Variants in VEPH1 observed in about 807,000 individuals in gnomAD.
The protein encoded by VEPH1 is ventricular zone-expressed PH domain-containing protein homolog 1.
VEPH1 carries 80 observed loss-of-function variants against 85.2 expected under a neutral mutation model. The ratio of observed to expected loss-of-function variants is 0.94; its 90% confidence interval spans 0.78 to 1.13. The LOEUF is 1.13. VEPH1 is among the 50% of genes most tolerant of loss of function. VEPH1 has a pLI of 0.00. For missense variants in VEPH1, 955 were observed against 980.5 expected (o/e 0.97, Z 0.35); for synonymous variants, 297 against 348.0 (o/e 0.85, Z 1.63).
At chr3:157,409,417 G>C (rs1410816179) in intron 6 of VEPH1, among the ~76,000 whole-genome samples, 1 of 152,082 alleles carries the variant, frequency 6.6e-6, no homozygotes, top group Non-Finnish European at 1.5e-5. Context: ...ACAATTGATC[G>C]GTTCTCCCAG....
intron 9 of VEPH1, among the ~76,000 whole-genome samples, chr3:157,341,073 A>G (rs991781344): frequency 2.6e-5 from 4 of 152,188 alleles, no homozygotes; most frequent in East Asian, 1.9e-4. Context: ...AAAGATGGGG[A>G]AAAAAACAGA....
rs971204177 is a variant in VEPH1 at position 157,437,614 on chromosome 3, G to C, written c.530-9126C>G. 2.6e-6 allele frequency: 4 copies of C among 1,566,130 alleles called. No individual in the cohort carries two copies. The African/African-American group carries it at 5.4e-5, about 21-fold the overall frequency. ...AGAGCGCATGCTGCTGCAAGCCACG[G>C]ACGACGTCCTGCGGGGCGAGCTGCA... On this transcript the variant is annotated intron_variant, in intron 4 of 13. Coordinates refer to ENST00000362010, the MANE Select transcript of VEPH1 (RefSeq NM_001167912.2).
At chr3:157,481,138 G>A (rs1737997321) in intron 2 of VEPH1, among the ~76,000 whole-genome samples, 1 of 151,708 alleles carries the variant, frequency 6.6e-6, no homozygotes, top group South Asian at 2.1e-4. Flanking sequence ...CTTTTTAATG[G>A]GACTAATTGT....
chr3:157,284,745 A>G (rs1238685078), intron 12 of VEPH1, among the ~76,000 whole-genome samples: 1 of 152,100 alleles, frequency 6.6e-6, no homozygotes, highest in Non-Finnish European at 1.5e-5. Flanking sequence ...GGAAATGAGC[A>G]AAGAAATCCA....
chr3:157,417,187 T>C (rs146834285), intron 5 of VEPH1, among the ~76,000 whole-genome samples: 14 of 152,298 alleles, frequency 9.2e-5, no homozygotes, highest in African/African-American at 2.4e-4. Context: ...GGGCTTTAGA[T>C]AGATTATTCT....
At chr3:157,346,473 G>A (rs148041280) in intron 9 of VEPH1, among the ~76,000 whole-genome samples, 1 of 152,052 alleles carries the variant, frequency 6.6e-6, no homozygotes, top group South Asian at 2.1e-4. Context: ...AAATTAGATG[G>A]CTTCTCTTAC....
intron 1 of VEPH1, among the ~76,000 whole-genome samples, chr3:157,497,155 G>A (rs1430553924): frequency 6.6e-6 from 1 of 152,162 alleles, no homozygotes; most frequent in East Asian, 1.9e-4. Flanking sequence ...CATGTAAAAT[G>A]TGAGGCTACT....
At chr3:157,449,441 A>G (rs370585398) in intron 4 of VEPH1, among the ~76,000 whole-genome samples, 1 of 152,146 alleles carries the variant, frequency 6.6e-6, no homozygotes, top group South Asian at 2.1e-4. Context: ...GTCCTTCTCT[A>G]TTGTCAATAT....
At chr3:157,464,624 C>A (rs1736194509) in intron 3 of VEPH1, among the ~76,000 whole-genome samples, 2 of 152,238 alleles carry the variant, frequency 1.3e-5, no homozygotes, top group South Asian at 4.1e-4. Flanking sequence ...GAGCTTTGTT[C>A]TACGGATGCC....
intron 5 of VEPH1, among the ~76,000 whole-genome samples, chr3:157,427,714 C>A (rs1320029640): frequency 6.6e-6 from 1 of 152,182 alleles, no homozygotes; most frequent in Non-Finnish European, 1.5e-5. Context: ...CTCAGCCTCC[C>A]AAAATGTTGA....
At chr3:157,488,842 G>T (rs1738924321) in intron 2 of VEPH1, among the ~76,000 whole-genome samples, 1 of 149,688 alleles carries the variant, frequency 6.7e-6, no homozygotes, top group African/African-American at 2.5e-5. Flanking sequence ...TTCCTTCCTT[G>T]GTCGTCTTCA....
intron 11 of VEPH1, among the ~76,000 whole-genome samples, chr3:157,313,194 G>A (rs957354673): frequency 5.3e-5 from 8 of 151,952 alleles, no homozygotes; most frequent in African/African-American, 1.5e-4. Flanking sequence ...ATGAGCCACC[G>A]TGCCCGGCCA....
chr3:157,279,994 G>GACTGAA (rs1715885188), intron 12 of VEPH1, among the ~76,000 whole-genome samples: 1 of 127,414 alleles, frequency 7.8e-6, no homozygotes, highest in Admixed American at 9.8e-5. Flanking sequence ...CCAGCCTGGC[G>GACTGAA]ACAGAGCAAG....
At chr3:157,343,962 C>T (rs2108662929) in intron 9 of VEPH1, among the ~76,000 whole-genome samples, 1 of 152,142 alleles carries the variant, frequency 6.6e-6, no homozygotes, top group African/African-American at 2.4e-5. Context: ...AAAAGGCCTT[C>T]AACAAAATTC....
intron 7 of VEPH1, among the ~76,000 whole-genome samples, chr3:157,371,367 C>G (rs1442705747): frequency 6.6e-6 from 1 of 152,202 alleles, no homozygotes; most frequent in Non-Finnish European, 1.5e-5. Flanking sequence ...AGGGACACTT[C>G]TAATTCAGAT....
intron 2 of VEPH1, among the ~76,000 whole-genome samples, chr3:157,492,094 T>C (rs984326069): frequency 1.3e-5 from 2 of 152,128 alleles, no homozygotes; most frequent in Admixed American, 6.5e-5. Flanking sequence ...TCCACTCATA[T>C]GAGTGGGATT....
intron 12 of VEPH1, among the ~76,000 whole-genome samples, chr3:157,269,141 A>G (rs1212533289): frequency 1.3e-5 from 2 of 152,226 alleles, no homozygotes; most frequent in Non-Finnish European, 2.9e-5. Context: ...ATCCTTTTGG[A>G]TCTGACATAG....
At chr3:157,267,925 G>T (rs1713962415) in intron 12 of VEPH1, among the ~76,000 whole-genome samples, 1 of 152,192 alleles carries the variant, frequency 6.6e-6, no homozygotes, top group African/African-American at 2.4e-5. Context: ...GGATGTTTGA[G>T]GTGATGACAT....
chr3:157,283,348 G>A (rs1349034405), intron 12 of VEPH1, among the ~76,000 whole-genome samples: 1 of 152,196 alleles, frequency 6.6e-6, no homozygotes, highest in African/African-American at 2.4e-5. Flanking sequence ...TCTGTAAAAT[G>A]AAGTCAATAA....
Sources: gnomAD v4.1 joint callset for allele counts (sites outside exome capture counted in the v4.1 genomes callset) on GRCh38, gnomAD v4.1.1 for gene constraint, MANE v1.5 for transcripts, NCBI Gene and HGNC (gene_info 2026-07-23, HGNC 2026-07-21) for gene names.